ZFP90: variants seen among roughly 807,000 people sequenced by gnomAD.
ZFP90 encodes the protein zinc finger protein 90 homolog.
ZFP90 carries 38 observed loss-of-function variants against 60.8 expected under a neutral mutation model. The ratio of observed to expected loss-of-function variants is 0.62; its 90% CI spans 0.48 to 0.82. The LOEUF (loss-of-function observed/expected upper bound fraction) is 0.82. Among genes scored for constraint, ZFP90 ranks in the 40% least tolerant of loss-of-function variants. ZFP90 has a pLI of 0.00. For missense variants in ZFP90, 711 were observed against 759.1 expected, an observed-to-expected ratio of 0.94 and a Z score of 0.74; for synonymous variants, 287 against 264.8, an observed-to-expected ratio of 1.08 and a Z score of -0.82.
At position 68,564,486 on chromosome 16, in the gene ZFP90, T is replaced by C; in HGVS notation, c.1699T>C (p.Ser567Pro). ...TGGGAAAGCCTTTAGTCAAAGTTCA[T>C]CTCTCATTCAGCATGAGAGAACTCA... The part of the protein sequence containing the change: ...DCGKAFSQSS[S>P]LIQHERTHTG... Residue 567 changes from serine to proline, a missense_variant, in exon 5 of 5, where the codon TCT (serine) becomes CCT (proline). By Grantham distance (74) the Ser-to-Pro change is moderately conservative (BLOSUM62 -1). This residue lies in a region of ZFP90 where 295 missense variants were observed against 274.0 expected (regional missense o/e 1.08). Transcript: ENST00000563169. The C allele has an allele frequency of 6.2e-7, 1 of 1,613,934 alleles. No homozygotes were observed. Among genetic ancestry groups the C allele is most frequent in the Non-Finnish European group, 8.5e-7 (1 of 1,179,948 alleles).
Position 68,564,520 on chromosome 16 carries a change from A to T in ZFP90, c.1733A>T (p.Glu578Val). 1 of 1,614,080 alleles carries T rather than the reference A, an allele frequency of 6.2e-7. No homozygotes were observed. Among genetic ancestry groups the T allele is most frequent in the Non-Finnish European group, 8.5e-7 (1 of 1,179,946 alleles). ...CAGCATGAGAGAACTCATACTGGAG[A>T]GAAGCCCTATGAATGTAATGAATGT... is the stretch of plus-strand genomic sequence containing the variant. ...LIQHERTHTG[E>V]KPYECNECGR... Residue 578 changes from glutamate to valine, a missense_variant, in exon 5 of 5, where the codon GAG becomes GTG. Physicochemically the swap from Glu to Val is moderately radical, Grantham distance 121 (BLOSUM62 -2). This residue lies in a region of ZFP90 where 295 missense variants were observed against 274.0 expected (regional missense o/e 1.08). Coordinates refer to ENST00000563169, the MANE Select transcript of ZFP90 (RefSeq NM_001305203.2).
chr16:68,560,982 C>G (rs1239806955), intron 4 of ZFP90, among the ~76,000 whole-genome samples: 1 of 151,944 alleles, frequency 6.6e-6, no homozygotes, highest in African/African-American at 2.4e-5. Flanking sequence ...GCAACCTCCA[C>G]CTCCCGGGTT....
chr16:68,554,526 C>A (rs1401014537), intron 2 of ZFP90, among the ~76,000 whole-genome samples: 1 of 152,162 alleles, frequency 6.6e-6, no homozygotes, highest in African/African-American at 2.4e-5. Flanking sequence ...GGATTGGGAT[C>A]AAGAGTTAAA....
At chr16:68,559,199 A>T (rs2091395216) in intron 4 of ZFP90, among the ~76,000 whole-genome samples, 1 of 152,116 alleles carries the variant, frequency 6.6e-6, no homozygotes, top group Non-Finnish European at 1.5e-5. Flanking sequence ...TTACCTCCTT[A>T]ACAGAGTACC....
intron 2 of ZFP90, among the ~76,000 whole-genome samples, 172 bp from the exon 3 acceptor site, chr16:68,557,826 C>T (rs1422575773): frequency 6.8e-6 from 1 of 147,860 alleles, no homozygotes; most frequent in Non-Finnish European, 1.5e-5. Flanking sequence ...GCCTGACATA[C>T]TAGATCCTTT....
chr16:68,541,105 G>A (rs892577420), intron 2 of ZFP90, among the ~76,000 whole-genome samples: 3 of 151,202 alleles, frequency 2.0e-5, no homozygotes, highest in Admixed American at 6.6e-5. Flanking sequence ...GCATGATCTC[G>A]GCTCACTGCA....
In ZFP90 at chr16:68,564,992, C is replaced by T. The variant is rs1367177807; in HGVS notation, c.*294C>T. The T allele has an allele frequency of 2.8e-6, 3 of 1,088,586 alleles. No individual in the cohort carries two copies. The African/African-American group carries it at 4.9e-5, about 18-fold the overall frequency. The allele number at this position is 1,088,586 out of a possible 1,614,324, so 67.4% of individuals were successfully genotyped here. A position where few individuals can be genotyped will look rare whatever the true frequency, so the allele number is the denominator to read the frequency against. ...TATGCAGGATATCATCAAGTTTCAA[C>T]ATCTTGACTTGTGACCCCCAATGTC... On this transcript the variant is annotated 3_prime_UTR_variant, in exon 5 of 5. Coordinates refer to ENST00000563169, the MANE Select transcript of ZFP90 (RefSeq NM_001305203.2).
chr16:68,539,479 A>T lies in ZFP90; in HGVS notation c.-36A>T. 2.4e-6 allele frequency: 1 copy of T among 410,518 alleles called. No individual in the cohort carries two copies. Among genetic ancestry groups the T allele is most frequent in the Non-Finnish European group, 4.3e-6 (1 of 231,496 alleles). The allele number at this position is 410,518 out of a possible 1,614,324, so 25.4% of individuals were successfully genotyped here. ...GAGCCCCCCAGAGGCGGTGATTCTG[A>T]GTGCGCGGGTCTGGGCGGGACCCCT... On this transcript the variant is annotated splice_region_variant and 5_prime_UTR_variant, in exon 1 of 5. Transcript: ENST00000563169.
At chr16:68,535,878 A>G (rs372014024), upstream of ZFP90, among the ~76,000 whole-genome samples, 3 of 152,052 alleles carry the variant, frequency 2.0e-5, no homozygotes, top group East Asian at 5.8e-4. Flanking sequence ...GCTGAGCCAC[A>G]CTCCCAGAAG....
chr16:68,538,298 G>C (rs2090977629), upstream of ZFP90, among the ~76,000 whole-genome samples: 1 of 152,162 alleles, frequency 6.6e-6, no homozygotes, highest in African/African-American at 2.4e-5. Flanking sequence ...CTACCATGTT[G>C]GTATGCAATG....
downstream of ZFP90, among the ~76,000 whole-genome samples, chr16:68,571,973 G>A (rs1047068368): frequency 2.6e-5 from 4 of 152,068 alleles, no homozygotes; most frequent in Admixed American, 2.6e-4. Context: ...ACTAATTTTT[G>A]CTAATAACTT....
At chr16:68,536,527 C>T (rs903880424), upstream of ZFP90, among the ~76,000 whole-genome samples, 7 of 152,256 alleles carry the variant, frequency 4.6e-5, no homozygotes, top group East Asian at 1.9e-4. Flanking sequence ...TGGTCTGGAA[C>T]GCCTAGGCTC....
chr16:68,545,480 T>A (rs1440692267), intron 2 of ZFP90, among the ~76,000 whole-genome samples: 2 of 152,198 alleles, frequency 1.3e-5, no homozygotes, highest in African/African-American at 2.4e-5. Flanking sequence ...TTTTAAAAAA[T>A]TTGTCTTTAG....
chr16:68,568,379 C>T (rs892595196), downstream of ZFP90, among the ~76,000 whole-genome samples: 1 of 152,156 alleles, frequency 6.6e-6, no homozygotes, highest in African/African-American at 2.4e-5. Context: ...CTGTTTCCTA[C>T]CAATTAGGCT....
chr16:68,568,932 C>A (rs980356490), downstream of ZFP90, among the ~76,000 whole-genome samples: 8 of 152,130 alleles, frequency 5.3e-5, no homozygotes, highest in Non-Finnish European at 7.4e-5. Context: ...ATTTCCTTGG[C>A]CTCCCAAAGT....
chr16:68,550,108 A>G (rs2091233727), intron 2 of ZFP90, among the ~76,000 whole-genome samples: 1 of 152,192 alleles, frequency 6.6e-6, no homozygotes, highest in Non-Finnish European at 1.5e-5. Flanking sequence ...ATAAAAAGAA[A>G]CAGGTGAAAT....
intron 2 of ZFP90, among the ~76,000 whole-genome samples, chr16:68,550,829 A>T (rs995400916): frequency 5.3e-5 from 8 of 152,152 alleles, no homozygotes; most frequent in Non-Finnish European, 7.4e-5. Context: ...AAGGCAAGGG[A>T]CTGAATTCAG....
At chr16:68,561,143 C>G (rs1461817073) in intron 4 of ZFP90, among the ~76,000 whole-genome samples, 1 of 152,194 alleles carries the variant, frequency 6.6e-6, no homozygotes, top group Admixed American at 6.5e-5. Context: ...AATGTGCCCA[C>G]CTAGGCCTCC....
At chr16:68,570,433 A>C (rs574510397), downstream of ZFP90, among the ~76,000 whole-genome samples, 1 of 152,356 alleles carries the variant, frequency 6.6e-6, no homozygotes, top group Admixed American at 6.5e-5. Flanking sequence ...ACTTGTGGAC[A>C]GTTGGCTAGC....
Sources: allele counts gnomAD v4.1 joint callset (sites outside exome capture counted in the v4.1 genomes callset), GRCh38; gene constraint gnomAD v4.1.1; regional missense constraint gnomAD v4.1.1; transcripts MANE v1.5; gene names NCBI Gene and HGNC (gene_info 2026-07-23, HGNC 2026-07-21).